TUSC3: variants seen among roughly 807,000 people sequenced by gnomAD.
TUSC3 encodes the protein dolichyl-diphosphooligosaccharide--protein glycosyltransferase subunit TUSC3.
In TUSC3, 45 loss-of-function variants were observed where a neutral mutation model predicts 44.8. The ratio of observed to expected loss-of-function variants is 1.00; its 90% CI spans 0.79 to 1.29. The LOEUF (loss-of-function observed/expected upper bound fraction) is 1.29, where lower values mean the gene tolerates loss of function less well. Among genes scored for constraint, TUSC3 ranks in the 50% most tolerant of loss-of-function variants. TUSC3 has a pLI of 0.00. For missense variants in TUSC3, 519 were observed against 437.9 expected (o/e 1.19, Z -1.65); for synonymous variants, 212 against 152.9 (o/e 1.39, Z -2.85).
chr8:15,536,817 C>G (rs1801530641), upstream of TUSC3, among the ~76,000 whole-genome samples: 1 of 145,376 alleles, frequency 6.9e-6, no homozygotes, highest in Non-Finnish European at 1.5e-5. Flanking sequence ...GATTTTCTAT[C>G]TTGCCCAAAT....
intron 1 of TUSC3, among the ~76,000 whole-genome samples, chr8:15,579,130 T>G (rs573541317): frequency 3.2e-3 from 470 of 145,086 alleles, no homozygotes; most frequent in African/African-American, 7.7e-3. Flanking sequence ...TTCTCTGATA[T>G]TAGTTTGTAT....
the TUSC3 span, among the ~76,000 whole-genome samples, chr8:15,847,522 G>T: frequency 6.6e-6 from 1 of 152,176 alleles, no homozygotes. Context: ...ACGCAAATAC[G>T]TTCTACCTAG....
chr8:15,785,043 TA>T, the TUSC3 span, among the ~76,000 whole-genome samples: 1 of 152,010 alleles, frequency 6.6e-6, no homozygotes, highest in African/African-American at 2.4e-5. Context: ...ATTTTTCAAT[TA>T]AAAATGCATT....
the TUSC3 span, among the ~76,000 whole-genome samples, chr8:15,833,796 T>C: frequency 1.3e-5 from 2 of 151,830 alleles, no homozygotes; most frequent in African/African-American, 4.8e-5. Flanking sequence ...TTGTTACAAG[T>C]TTACCTATAT....
intron 2 of TUSC3, among the ~76,000 whole-genome samples, chr8:15,626,057 G>T (rs956741844): frequency 1.3e-5 from 2 of 152,170 alleles, no homozygotes; most frequent in Non-Finnish European, 2.9e-5. Context: ...GTAGTGGTGG[G>T]AGTGGTTGCA....
intron 9 of TUSC3, 156 bp downstream of exon 9, chr8:15,748,621 A>G: frequency 1.3e-6 from 1 of 761,908 alleles, no homozygotes. Context: ...TGTTCAGCAT[A>G]GTGAAGTACA....
At chr8:15,553,603 C>G (rs1015926295) in intron 1 of TUSC3, among the ~76,000 whole-genome samples, 1 of 151,568 alleles carries the variant, frequency 6.6e-6, no homozygotes, top group African/African-American at 2.4e-5. Flanking sequence ...TAAATAACAA[C>G]TGAACAGTTC....
intron 1 of TUSC3, among the ~76,000 whole-genome samples, chr8:15,595,447 A>C (rs1804027300): frequency 6.6e-6 from 1 of 152,016 alleles, no homozygotes; most frequent in Non-Finnish European, 1.5e-5. Context: ...GTAGGCTTGA[A>C]TCTCTCAAGG....
Position 15,703,790 on chromosome 8 carries a change from C to G in TUSC3, c.799-26876C>G, listed in dbSNP as rs147749655. Among the ~76,000 whole-genome samples the G allele has an allele frequency of 3.9e-3, 593 of 152,228 alleles. 8 individuals carry two copies. The highest frequency in any genetic ancestry group is 0.028 in the Admixed American group (422 of 15,276). ...GGCACCAAGTCCCCCATGATCCAAA[C>G]TCCTCCTCTCAAGCCCCACCTCCAA... is the stretch of plus-strand genomic sequence containing the variant. On this transcript the variant is annotated intron_variant, in intron 6 of 10. Coordinates refer to ENST00000503731, the MANE Select transcript of TUSC3 (RefSeq NM_006765.4).
the TUSC3 span, among the ~76,000 whole-genome samples, chr8:15,840,371 T>A: frequency 7.0e-3 from 1,067 of 152,148 alleles, 12 homozygotes; most frequent in African/African-American, 0.024. Flanking sequence ...GAACTTAAAG[T>A]ATAATTTAAA....
chr8:15,677,877 G>C (rs1197780007), intron 6 of TUSC3, among the ~76,000 whole-genome samples: 1 of 152,182 alleles, frequency 6.6e-6, no homozygotes, highest in Non-Finnish European at 1.5e-5. Context: ...TGGTTGGAGA[G>C]GCCTCGTCTG....
intron 1 of TUSC3, among the ~76,000 whole-genome samples, chr8:15,429,836 G>A (rs1799850643): frequency 6.6e-6 from 1 of 151,728 alleles, no homozygotes; most frequent in South Asian, 2.1e-4. Flanking sequence ...ACTACCATCA[G>A]AGAATACTAT....
chr8:15,433,645 C>T (rs999293225), intron 1 of TUSC3, among the ~76,000 whole-genome samples: 3 of 152,074 alleles, frequency 2.0e-5, no homozygotes, highest in African/African-American at 4.8e-5. Flanking sequence ...CTTTACTCTG[C>T]CACTCTAGAT....
the TUSC3 span, among the ~76,000 whole-genome samples, chr8:15,820,762 T>A: frequency 2.6e-5 from 4 of 152,208 alleles, no homozygotes; most frequent in African/African-American, 4.8e-5. Context: ...TCTTTGATTA[T>A]TGAAACTAGC....
intron 6 of TUSC3, among the ~76,000 whole-genome samples, chr8:15,702,121 A>G (rs868728042): frequency 6.6e-6 from 1 of 152,154 alleles, no homozygotes; most frequent in Middle Eastern, 3.4e-3. Flanking sequence ...AAATCAAGAG[A>G]GCCTATTTTC....
At chr8:15,583,094 G>C (rs993943318) in intron 1 of TUSC3, among the ~76,000 whole-genome samples, 5 of 152,150 alleles carry the variant, frequency 3.3e-5, no homozygotes, top group African/African-American at 1.2e-4. Flanking sequence ...TGAAAGGAGA[G>C]GCTAGTAAAA....
chr8:15,456,021 A>G (rs969614324), intron 1 of TUSC3, among the ~76,000 whole-genome samples: 9 of 151,832 alleles, frequency 5.9e-5, no homozygotes, highest in East Asian at 5.8e-4. Context: ...CCTACCAACC[A>G]CTCCGGTGGC....
At chr8:15,589,983 T>A (rs113651336) in intron 1 of TUSC3, among the ~76,000 whole-genome samples, 1 of 152,086 alleles carries the variant, frequency 6.6e-6, no homozygotes, top group Non-Finnish European at 1.5e-5. Flanking sequence ...GATTTCACTT[T>A]ATAATGTTTG....
chr8:15,563,511 C>A lies in TUSC3; in HGVS notation c.138+22943C>A, dbSNP rs573599744. On this transcript the variant is annotated intron_variant, in intron 1 of 10. Coordinates refer to ENST00000503731, the MANE Select transcript of TUSC3 (RefSeq NM_006765.4). ...GAACAGCCTGGCCAATATGGTGAAA[C>A]CCTGTCTCTGCTAAAAATACAAAAA... Among the ~76,000 whole-genome samples, 6 of 151,802 alleles carry A rather than the reference C, an allele frequency of 4.0e-5. No homozygotes were observed. The South Asian group carries it at 1.2e-3, about 32-fold the overall frequency.
Sources: gnomAD v4.1 joint callset for allele counts (sites outside exome capture counted in the v4.1 genomes callset) on GRCh38, gnomAD v4.1.1 for gene constraint, MANE v1.5 for transcripts, NCBI Gene and HGNC (gene_info 2026-07-23, HGNC 2026-07-21) for gene names.